ERCC6: variants seen among roughly 807,000 people sequenced by gnomAD.
ERCC6 encodes DNA excision repair protein ERCC-6.
In ERCC6, 116 loss-of-function variants were observed where a neutral mutation model predicts 158.7. The observed-to-expected ratio is 0.73, with a 90% confidence interval of 0.63 to 0.85. ERCC6 has a LOEUF of 0.85. Ranked by LOEUF, ERCC6 falls within the 40% of genes least tolerant of loss-of-function variation. The pLI is 0.00. For synonymous variants in ERCC6, 678 were observed against 659.3 expected, an observed-to-expected ratio of 1.03 and a Z score of -0.43; for missense variants, 1,698 against 1,799.4, an observed-to-expected ratio of 0.94 and a Z score of 1.02.
At chr10:49,474,344 T>C in intron 12 of ERCC6, 102 bp from the exon 13 acceptor site, 2 of 855,064 alleles carry the variant, frequency 2.3e-6, no homozygotes, top group East Asian at 2.5e-5. Flanking sequence ...TAAAAAACAG[T>C]TCTCCACCAG....
At chr10:49,463,981 C>T (rs1004315347) in intron 18 of ERCC6, among the ~76,000 whole-genome samples, 1 of 152,108 alleles carries the variant, frequency 6.6e-6, no homozygotes, top group Admixed American at 6.5e-5. Flanking sequence ...TGGGGAGGTG[C>T]GCTCCTGAAA....
intron 8 of ERCC6, among the ~76,000 whole-genome samples, chr10:49,486,821 T>C (rs997146767): frequency 1.3e-5 from 2 of 152,232 alleles, no homozygotes; most frequent in African/African-American, 4.8e-5. Flanking sequence ...ACTGAAATTG[T>C]TCCAAAATAT....
intron 6 of ERCC6, 141 bp from the exon 7 acceptor site, chr10:49,500,837 T>C (rs761872221): frequency 4.6e-5 from 39 of 843,452 alleles, no homozygotes; most frequent in Admixed American, 2.1e-5. Context: ...GTGTTTTACA[T>C]GAGTATTATA....
At chr10:49,472,523 A>C in intron 15 of ERCC6, 53 bp from the exon 16 acceptor site, 1 of 1,574,188 alleles carries the variant, frequency 6.4e-7, no homozygotes, top group South Asian at 1.1e-5. Flanking sequence ...AATGACAAGC[A>C]CTGACTATAA....
intron 18 of ERCC6, 100 bp from the exon 19 acceptor site, chr10:49,461,656 A>G: frequency 8.7e-7 from 1 of 1,148,766 alleles, no homozygotes; most frequent in Non-Finnish European, 1.3e-6. Context: ...ACAAAAACAA[A>G]GTGATAGTAC....
chr10:49,467,647 C>T (rs1430294499), intron 18 of ERCC6, among the ~76,000 whole-genome samples: 2 of 152,104 alleles, frequency 1.3e-5, no homozygotes, highest in Non-Finnish European at 2.9e-5. Context: ...CTCACCACAG[C>T]CTCAACCTCC....
At chr10:49,520,074 A>G (rs1345754118) in intron 5 of ERCC6, among the ~76,000 whole-genome samples, 2 of 152,250 alleles carry the variant, frequency 1.3e-5, no homozygotes, top group Non-Finnish European at 2.9e-5. Flanking sequence ...GGCACATAAA[A>G]GAGGATTTTT....
chr10:49,532,930 G>T lies in ERCC6; in HGVS notation c.35C>A (p.Thr12Asn), dbSNP rs1837507856. The stretch of plus-strand genomic sequence containing the variant: ...ACTCTGTAAACAGTCTTGCTCCTGA[G>T]TTTGACTTGAGTGGGGGATTCCCTC... ...PNEGIPHSSQ[T>N]QEQDCLQSQP... Residue 12 changes from threonine to asparagine, a missense_variant, in exon 2 of 21, where the codon ACT becomes AAT. Thr to Asn is a moderately conservative substitution (Grantham distance 65, BLOSUM62 0). Transcript: ENST00000355832. 1.9e-6 allele frequency: 3 copies of T among 1,614,206 alleles called. No individual in the cohort carries two copies. The highest frequency in any genetic ancestry group is 1.6e-4 in the Middle Eastern group (1 of 6,062).
intron 4 of ERCC6, among the ~76,000 whole-genome samples, chr10:49,526,815 CGG>C: frequency 6.6e-6 from 1 of 152,024 alleles, no homozygotes; most frequent in African/African-American, 2.4e-5. Flanking sequence ...GGTGTCCAGA[CGG>C]AGAGATATAA....
chr10:49,448,647 CTCTT>C, the ERCC6 span, among the ~76,000 whole-genome samples: 13 of 152,308 alleles, frequency 8.5e-5, no homozygotes, highest in South Asian at 2.3e-3. Context: ...CTACTTACCA[CTCTT>C]TCTTTAAGCA....
rs1837267845 is a variant in ERCC6 at position 49,524,671 on chromosome 10, A to G, written c.759T>C (p.Pro253=). ...GQMTPFGTQI[P]QKQEKKPRKI... ...TTCTGGGCTTTTTCTCCTGTTTCTG[A>G]GGGATCTGGGTACCAAAAGGTGTCA... is the stretch of plus-strand genomic sequence containing the variant. The change falls in exon 5 of 21, where the codon CCT becomes CCC. Residue 253 remains proline, a synonymous_variant. Transcript: ENST00000355832. 6.2e-7 allele frequency: 1 copy of G among 1,613,330 alleles called. No individual in the cohort carries two copies. The highest frequency in any genetic ancestry group is 1.1e-5 in the South Asian group (1 of 91,070).
chr10:49,462,498 TA>T lies in ERCC6; in HGVS notation c.3779-943del, dbSNP rs149556678. Among the ~76,000 whole-genome samples the T allele has an allele frequency of 5.3e-5, 8 of 150,972 alleles. No individual in the cohort carries two copies. The East Asian group carries it at 7.8e-4, about 15-fold the overall frequency. ...ATTAATAAAAGACTGACAATTTTTT[TA>T]AAAAAAAACCTGTTTCATAGGAAAA... On this transcript the variant is annotated intron_variant, in intron 18 of 20. Coordinates refer to ENST00000355832, the MANE Select transcript of ERCC6 (RefSeq NM_000124.4).
chr10:49,451,177 G>GTTTTT (rs35839478), downstream of ERCC6, among the ~76,000 whole-genome samples: 5 of 130,142 alleles, frequency 3.8e-5, 1 homozygote, highest in Non-Finnish European at 6.3e-5. Flanking sequence ...AGTTTCAATA[G>GTTTTT]TTTTTTTTTT....
At position 49,515,557 on chromosome 10, in the gene ERCC6, C is replaced by A. The variant is rs753811607; in HGVS notation, c.1397+8476G>T. On this transcript the variant is annotated intron_variant, in intron 5 of 20. Coordinates refer to ENST00000355832, the MANE Select transcript of ERCC6 (RefSeq NM_000124.4). ...CCATGGGTCTCCAGATAATGGCATACCACACGTCGACGAAACTCCAGAAAA... is the reference window on the plus strand; with the variant it reads ...CCATGGGTCTCCAGATAATGGCATAACACACGTCGACGAAACTCCAGAAAA... The A allele has an allele frequency of 1.2e-6, 2 of 1,613,992 alleles. No homozygotes were observed. The highest frequency in any genetic ancestry group is 1.7e-5 in the Admixed American group (1 of 60,006).
chr10:49,485,295 G>A (rs546600583), intron 8 of ERCC6, among the ~76,000 whole-genome samples: 105 of 152,294 alleles, frequency 6.9e-4, no homozygotes, highest in Non-Finnish European at 1.2e-3. Flanking sequence ...GGTGGAGTCA[G>A]AATTCGAACG....
intron 19 of ERCC6, among the ~76,000 whole-genome samples, chr10:49,460,811 C>T (rs1267461965): frequency 6.6e-6 from 1 of 151,982 alleles, no homozygotes; most frequent in East Asian, 1.9e-4. Context: ...ATCCCAGCTA[C>T]TCAGGAAGCA....
In ERCC6 at chr10:49,476,319, G is replaced by T; in HGVS notation, c.2287-9C>A. 6.3e-7 allele frequency: 1 copy of T among 1,594,124 alleles called. No individual in the cohort carries two copies. Among genetic ancestry groups the T allele is most frequent in the South Asian group, 1.1e-5 (1 of 89,628 alleles). On this transcript the variant is annotated splice_polypyrimidine_tract_variant and intron_variant, in intron 11 of 20. Coordinates refer to ENST00000355832, the MANE Select transcript of ERCC6 (RefSeq NM_000124.4). The stretch of plus-strand genomic sequence containing the variant: ...AGACGGCAAAATAAGACCTACGGAC[G>T]GGAAAAACAAGGAAACTATAATTTC...
Position 49,530,727 on chromosome 10 carries a change from T to C in ERCC6, c.536A>G (p.Tyr179Cys), listed in dbSNP as rs1355267555. 3 of 1,613,486 alleles carry C rather than the reference T, an allele frequency of 1.9e-6. No homozygotes were observed. Among genetic ancestry groups the C allele is most frequent in the Admixed American group, 3.3e-5 (2 of 60,020 alleles). Reference sequence around the variant, plus strand: ...AATGTTATTCTGAATCACCTTATTATACTTCTGTCGTTTTACAGAATCTAG... The same window carrying C: ...AATGTTATTCTGAATCACCTTATTACACTTCTGTCGTTTTACAGAATCTAG... ...RKLDSVKRQKYNKEQQLKKIT... is the reference protein window; with the variant it reads ...RKLDSVKRQKCNKEQQLKKIT... Residue 179 changes from tyrosine to cysteine, a missense_variant, in exon 3 of 21, where the codon TAT becomes TGT. Physicochemically the swap from Tyr to Cys is radical, Grantham distance 194. Transcript: ENST00000355832.
intron 10 of ERCC6, among the ~76,000 whole-genome samples, chr10:49,481,561 T>A (rs746661187): frequency 5.3e-5 from 8 of 152,196 alleles, no homozygotes; most frequent in Non-Finnish European, 1.2e-4. Flanking sequence ...CATGACCTGG[T>A]AGGCACAGGC....
Sources: allele counts gnomAD v4.1 joint callset (sites outside exome capture counted in the v4.1 genomes callset), GRCh38; gene constraint gnomAD v4.1.1; transcripts MANE v1.5; gene names NCBI Gene and HGNC (gene_info 2026-07-23, HGNC 2026-07-21).